Variants in RPS6KA2 observed in about 807,000 individuals in gnomAD.
The protein encoded by RPS6KA2 is ribosomal protein S6 kinase A2.
A neutral mutation model predicts 91.8 loss-of-function variants in RPS6KA2; 42 were observed. That is an observed-to-expected ratio of 0.46 (90% CI 0.36 to 0.59). The LOEUF is 0.59. Among genes scored for constraint, RPS6KA2 ranks in the 20% least tolerant of loss-of-function variants. The pLI, the probability that RPS6KA2 is intolerant of heterozygous loss-of-function variation, is 0.00. For synonymous variants in RPS6KA2, 414 were observed against 393.6 expected (o/e 1.05, Z -0.61); for missense variants, 798 against 978.5 (o/e 0.82, Z 2.46).
In RPS6KA2 at chr6:166,607,174, T is replaced by A. The variant is rs10214670; in HGVS notation, c.99+19747A>T. Among the ~76,000 whole-genome samples the A allele has an allele frequency of 9.8e-3, 1,446 of 147,158 alleles. 12 individuals carry two copies. Among genetic ancestry groups the A allele is most frequent in the African/African-American group, 0.022 (880 of 39,498 alleles). ...AAAAAAAAAAAGCTCCATCTATCAC[T>A]GCTGGGTGGGAATGTACAATGTTGC... On this transcript the variant is annotated intron_variant, in intron 1 of 20. Coordinates refer to ENST00000265678, the MANE Select transcript of RPS6KA2 (RefSeq NM_021135.6).
chr6:166,490,125 G>C lies in RPS6KA2; in HGVS notation c.818+546C>G, dbSNP rs1241922469. On this transcript the variant is annotated intron_variant, in intron 9 of 20. Coordinates refer to ENST00000265678, the MANE Select transcript of RPS6KA2 (RefSeq NM_021135.6). This position sits in a 1 kb window ranked among gnomAD's most constrained non-coding sequence, Gnocchi z 4.2. ...TGGCTTAGTAAATGATTTTTCATGA[G>C]AATTAAGCAGAAAATGGTTTGTATC... Among the ~76,000 whole-genome samples the C allele has an allele frequency of 6.6e-6, 1 of 152,174 alleles. No homozygotes were observed. The highest frequency in any genetic ancestry group is 2.4e-5 in the African/African-American group (1 of 41,436).
At chr6:166,701,748 T>A (rs767528460) in intron 2 of RPS6KA2, 25 of 1,273,652 alleles carry the variant, frequency 2.0e-5, no homozygotes, top group Non-Finnish European at 2.7e-5. Flanking sequence ...TTAAATGTGC[T>A]TGAAATCATA....
In RPS6KA2 at chr6:166,836,725, G is replaced by C. The variant is rs117425786; in HGVS notation, c.123+21475C>G. Among the ~76,000 whole-genome samples the C allele has an allele frequency of 3.2e-4, 48 of 152,310 alleles. No homozygotes were observed. In the East Asian group the frequency reaches 8.9e-3, roughly 28 times the overall value. On this transcript the variant is annotated intron_variant, in intron 2 of 21. Transcript: ENST00000503859. ...TCTGTTGGTTCTAGCGTCTGGGCCA[G>C]TCTCGAGGACAGGTTGGCTTTTGTT...
chr6:166,432,273 A>G lies in RPS6KA2; in HGVS notation c.1422+128T>C, dbSNP rs75960763. On this transcript the variant is annotated intron_variant, in intron 15 of 20. Coordinates refer to ENST00000265678, the MANE Select transcript of RPS6KA2 (RefSeq NM_021135.6). Reference sequence around the variant, plus strand: ...CAAGTCAGCTCCAAGTGACTGAGATATGTGGGTGGTGGAAACCAGCTGAGA... The same window carrying G: ...CAAGTCAGCTCCAAGTGACTGAGATGTGTGGGTGGTGGAAACCAGCTGAGA... 1.3e-3 allele frequency: 869 copies of G among 662,456 alleles called. 11 individuals are homozygous for G. In the East Asian group the frequency reaches 0.021, roughly 16 times the overall value. 41.0% of individuals were successfully genotyped at this position (662,456 alleles called of 1,614,324 possible).
intron 2 of RPS6KA2, among the ~76,000 whole-genome samples, chr6:166,685,409 T>A (rs1170632316): frequency 1.3e-5 from 2 of 152,238 alleles, no homozygotes; most frequent in Non-Finnish European, 2.9e-5. Flanking sequence ...TAAAATGATC[T>A]GTTGGCCATT....
chr6:166,516,210 C>T (rs1439420387), intron 3 of RPS6KA2, among the ~76,000 whole-genome samples: 1 of 152,182 alleles, frequency 6.6e-6, no homozygotes, highest in East Asian at 1.9e-4. Flanking sequence ...GCCCACCTCT[C>T]CCCCGTTACA....
chr6:166,501,445 G>A (rs777919100), intron 6 of RPS6KA2, among the ~76,000 whole-genome samples: 3 of 152,192 alleles, frequency 2.0e-5, no homozygotes, highest in East Asian at 1.9e-4. Flanking sequence ...CCAAGGCATC[G>A]AGGAGCTTCG....
At chr6:166,426,000 T>C (rs879335543) in intron 16 of RPS6KA2, among the ~76,000 whole-genome samples, 65 of 151,322 alleles carry the variant, frequency 4.3e-4, no homozygotes, top group African/African-American at 1.4e-3. Context: ...AGAATATACA[T>C]TTTTTTCAGC....
rs200873211 is a variant in RPS6KA2 at position 166,566,876 on chromosome 6, C to T, written c.100-28092G>A. ...AAAGCTGAAGGTCTCATCTCCCACA[C>T]TGTTCTGTGCCTGTGGCAGGATCAC... is the stretch of plus-strand genomic sequence containing the variant. On this transcript the variant is annotated intron_variant, in intron 1 of 20. Transcript: ENST00000265678. 2.0e-5 allele frequency among the ~76,000 whole-genome samples: 3 copies of T among 152,360 alleles called. No homozygotes were observed. In the East Asian group the frequency reaches 5.8e-4, roughly 29 times the overall value.
Position 166,410,063 on chromosome 6 carries a change from C to G in RPS6KA2, c.*2699G>C, listed in dbSNP as rs1778250798. On this transcript the variant is annotated 3_prime_UTR_variant, in exon 21 of 21. Transcript: ENST00000265678. ...GTATTTCTCCCACATGGGGGGCTGC[C>G]AGGGAAGGAGGACCCTATAGGGTGG... The G allele has an allele frequency of 6.6e-6, 1 of 151,824 alleles. No homozygotes were observed. 9.4% of individuals were successfully genotyped at this position (151,824 alleles called of 1,614,324 possible).
intron 2 of RPS6KA2, among the ~76,000 whole-genome samples, chr6:166,776,358 C>T (rs185643827): frequency 5.3e-5 from 8 of 152,320 alleles, no homozygotes; most frequent in East Asian, 3.9e-4. Context: ...ACTTTGAGAC[C>T]GTCCTGGGGG....
chr6:166,542,405 T>C (rs1783689335), intron 1 of RPS6KA2: 1 of 152,260 alleles, frequency 6.6e-6, no homozygotes, highest in Admixed American at 6.5e-5. Context: ...ATCGGCTGCA[T>C]CCATGGCAGG....
intron 10 of RPS6KA2, among the ~76,000 whole-genome samples, chr6:166,486,484 C>T (rs529547926): frequency 2.6e-5 from 4 of 152,356 alleles, no homozygotes; most frequent in Non-Finnish European, 5.9e-5. Flanking sequence ...GTGAATACCC[C>T]TCTAAGGAAG....
At chr6:166,600,719 G>A (rs769004397) in intron 1 of RPS6KA2, among the ~76,000 whole-genome samples, 2 of 152,212 alleles carry the variant, frequency 1.3e-5, no homozygotes, top group Non-Finnish European at 2.9e-5. Context: ...AAATAATATA[G>A]CTGCATGTAG....
chr6:166,485,636 G>A lies in RPS6KA2; in HGVS notation c.907+3197C>T, dbSNP rs569227479. ...CGATGCATTGGCTTAGCTGAGACAC[G>A]CTTCTCAACTTGCATCTGTCTCCAA... On this transcript the variant is annotated intron_variant, in intron 10 of 20. Transcript: ENST00000265678. 8.5e-5 allele frequency among the ~76,000 whole-genome samples: 13 copies of A among 152,262 alleles called. No individual in the cohort carries two copies. The South Asian group carries it at 2.3e-3, about 27-fold the overall frequency.
intron 2 of RPS6KA2, among the ~76,000 whole-genome samples, chr6:166,679,035 G>A (rs1041088707): frequency 6.6e-6 from 1 of 152,162 alleles, no homozygotes; most frequent in African/African-American, 2.4e-5. Flanking sequence ...TTTAGTTCAC[G>A]TTACAAAACC....
chr6:166,566,609 C>G (rs1190873369), intron 1 of RPS6KA2, among the ~76,000 whole-genome samples: 1 of 152,212 alleles, frequency 6.6e-6, no homozygotes, highest in Non-Finnish European at 1.5e-5. Flanking sequence ...CATGCTGGGT[C>G]TGCGGAGCCT....
At chr6:166,711,656 A>G (rs1401251041) in intron 2 of RPS6KA2, among the ~76,000 whole-genome samples, 1 of 152,134 alleles carries the variant, frequency 6.6e-6, no homozygotes, top group African/African-American at 2.4e-5. Context: ...GGAACAAAGG[A>G]AAGAAACAGT....
intron 2 of RPS6KA2, among the ~76,000 whole-genome samples, chr6:166,713,400 G>A (rs1443230679): frequency 6.6e-6 from 1 of 152,218 alleles, no homozygotes; most frequent in Non-Finnish European, 1.5e-5. Flanking sequence ...TTGTGAGGGA[G>A]AAGAAAGAGC....
Sources: gnomAD v4.1 joint callset for allele counts (sites outside exome capture counted in the v4.1 genomes callset) on GRCh38, gnomAD v4.1.1 for gene constraint, Gnocchi (gnomAD v3.1) non-coding constraint, MANE v1.5 for transcripts, NCBI Gene and HGNC (gene_info 2026-07-23, HGNC 2026-07-21) for gene names.